The following KLF13 variants were observed in gnomAD, a reference collection of about 807,000 sequenced individuals.
KLF13 encodes the protein KLF transcription factor 13, also known as Krueppel-like factor 13.
Under a neutral mutation model 16.7 loss-of-function variants are expected in KLF13, and 8 were observed. The observed-to-expected ratio is 0.48, with a 90% CI of 0.28 to 0.87. KLF13 has a LOEUF of 0.87. Among genes scored for constraint, KLF13 ranks in the 40% least tolerant of loss-of-function variants. The probability of loss-of-function intolerance (pLI) is 0.10; values close to 1 mark genes in which losing one functional copy is unlikely to be tolerated. For synonymous variants in KLF13, 245 were observed against 208.4 expected (o/e 1.18, Z -1.51); for missense variants, 447 against 452.2 (o/e 0.99, Z 0.10).
intron 1 of KLF13, among the ~76,000 whole-genome samples, chr15:31,331,191 T>A (rs1355609113): frequency 2.0e-5 from 3 of 152,226 alleles, no homozygotes; most frequent in African/African-American, 4.8e-5. Flanking sequence ...AAAACATCTC[T>A]CTGCATGCTG....
At chr15:31,370,044 C>CTTTTTTT (rs912005994) in intron 1 of KLF13, among the ~76,000 whole-genome samples, 250 of 98,546 alleles carry the variant, frequency 2.5e-3, no homozygotes, top group Middle Eastern at 0.013. Context: ...TCTCCTTTTT[C>CTTTTTTT]TTTTTTTTTT....
At chr15:31,380,175 C>A (rs1009275033), downstream of KLF13, among the ~76,000 whole-genome samples, 1 of 152,152 alleles carries the variant, frequency 6.6e-6, no homozygotes, top group African/African-American at 2.4e-5. Context: ...GCCTGTAGTC[C>A]CAGCTACTTG....
At chr15:31,405,593 G>A (rs748013388), downstream of KLF13, among the ~76,000 whole-genome samples, 5 of 152,222 alleles carry the variant, frequency 3.3e-5, no homozygotes, top group East Asian at 1.9e-4. Context: ...TAGGAGGAGG[G>A]TTAGTATATG....
chr15:31,345,471 G>A (rs145528781), intron 1 of KLF13, among the ~76,000 whole-genome samples: 3,810 of 152,330 alleles, frequency 0.025, 68 homozygotes, highest in Non-Finnish European at 0.036. Flanking sequence ...ACTGGGGTGC[G>A]GGCAGATCCT....
Position 31,364,447 on chromosome 15 carries a change from G to A in KLF13, c.578-7563G>A, listed in dbSNP as rs906072292. 2.6e-5 allele frequency among the ~76,000 whole-genome samples: 4 copies of A among 152,228 alleles called. No homozygotes were observed. The East Asian group carries it at 7.7e-4, about 29-fold the overall frequency. On this transcript the variant is annotated intron_variant, in intron 1 of 1. Coordinates refer to ENST00000307145, the MANE Select transcript of KLF13 (RefSeq NM_015995.4). The stretch of plus-strand genomic sequence containing the variant: ...ACTAGACCAGAGCGCCTGGGACAGG[G>A]CACACCTGCCCCCCATGTCTCTTTC...
intron 2 of KLF13, among the ~76,000 whole-genome samples, chr15:31,399,686 A>G (rs2040007129): frequency 6.6e-6 from 1 of 152,246 alleles, no homozygotes; most frequent in Non-Finnish European, 1.5e-5. Flanking sequence ...TCTCAGAGTC[A>G]GAGCTGGCTC....
chr15:31,404,964 C>G (rs1374861037), downstream of KLF13, among the ~76,000 whole-genome samples: 1 of 152,182 alleles, frequency 6.6e-6, no homozygotes, highest in Non-Finnish European at 1.5e-5. Context: ...AGGCTCCACC[C>G]TGCCTCAAAG....
intron 1 of KLF13, among the ~76,000 whole-genome samples, chr15:31,428,199 A>G (rs28629861): frequency 0.13 from 19,949 of 152,194 alleles, 3,862 homozygotes; most frequent in African/African-American, 0.42. Context: ...GGTTGCCAGG[A>G]CCTGGGAAGA....
chr15:31,405,851 G>A (rs1422290746), downstream of KLF13, among the ~76,000 whole-genome samples: 2 of 152,166 alleles, frequency 1.3e-5, no homozygotes, highest in East Asian at 1.9e-4. Flanking sequence ...ACAGTCACAA[G>A]ACAGAAGGAC....
chr15:31,403,143 A>G (rs1291735957), intron 2 of KLF13, among the ~76,000 whole-genome samples: 1 of 152,194 alleles, frequency 6.6e-6, no homozygotes, highest in Non-Finnish European at 1.5e-5. Context: ...TTGAGTATAG[A>G]TACGTCTGCT....
upstream of KLF13, among the ~76,000 whole-genome samples, chr15:31,388,506 T>C (rs1203584509): frequency 6.7e-6 from 1 of 150,350 alleles, no homozygotes; most frequent in African/African-American, 2.5e-5. Flanking sequence ...CCCTCTCAGC[T>C]ACTCAGGAGG....
chr15:31,417,605 G>C (rs775651202), intron 1 of KLF13, among the ~76,000 whole-genome samples: 3 of 151,360 alleles, frequency 2.0e-5, no homozygotes, highest in South Asian at 2.1e-4. Context: ...GCAATGGTGC[G>C]ATCTCGGCTC....
intron 1 of KLF13, among the ~76,000 whole-genome samples, chr15:31,343,586 A>G (rs537641416): frequency 3.3e-5 from 5 of 152,334 alleles, no homozygotes; most frequent in Admixed American, 2.0e-4. Context: ...GTGCCCACCC[A>G]TGCCGTCAGT....
At chr15:31,417,611 G>A (rs112658934) in intron 1 of KLF13, among the ~76,000 whole-genome samples, 18,924 of 151,256 alleles carry the variant, frequency 0.13, 3,461 homozygotes, top group African/African-American at 0.4. Context: ...GTGCGATCTC[G>A]GCTCACTGCA....
At position 31,403,177 on chromosome 15, in the gene KLF13, C is replaced by T. The variant is rs944376765; in HGVS notation, n.530-251C>T. ...CTGATTCCCCTCATTCTTTTAGTGT[C>T]TTTTCTGCTGTGAAGCAGTTTTGGG... On this transcript the variant is annotated intron_variant and non_coding_transcript_variant, in intron 2 of 2. Coordinates refer to the KLF13 transcript ENST00000500533. Among the ~76,000 whole-genome samples, 8 of 152,198 alleles carry T rather than the reference C, an allele frequency of 5.3e-5. 1 individual carries two copies. Among genetic ancestry groups the T allele is most frequent in the Admixed American group, 5.2e-4 (8 of 15,284 alleles).
At position 31,371,329 on chromosome 15, in the gene KLF13, G is replaced by A. The variant is rs756804294; in HGVS notation, c.578-681G>A. 5.3e-5 allele frequency among the ~76,000 whole-genome samples: 8 copies of A among 152,348 alleles called. 1 individual carries two copies. Among genetic ancestry groups the A allele is most frequent in the Admixed American group, 1.3e-4 (2 of 15,308 alleles). On this transcript the variant is annotated intron_variant, in intron 1 of 1. Coordinates refer to ENST00000307145, the MANE Select transcript of KLF13 (RefSeq NM_015995.4). ...TACCGGCACAGGCCCCTATAATGGG[G>A]TGCTCTGGGTTGCTGCCCTTGTCTG...
chr15:31,364,916 C>G (rs1342600447), intron 1 of KLF13, among the ~76,000 whole-genome samples: 1 of 152,236 alleles, frequency 6.6e-6, no homozygotes, highest in Non-Finnish European at 1.5e-5. Flanking sequence ...GTCCACCCCC[C>G]ACCACAGAGG....
downstream of KLF13, among the ~76,000 whole-genome samples, chr15:31,378,400 C>T (rs779490898): frequency 1.3e-5 from 2 of 152,142 alleles, no homozygotes; most frequent in Non-Finnish European, 2.9e-5. Context: ...CCAGCGAGGA[C>T]GAGTCCCAGG....
At chr15:31,335,611 C>T (rs1332000931) in intron 1 of KLF13, among the ~76,000 whole-genome samples, 2 of 152,164 alleles carry the variant, frequency 1.3e-5, no homozygotes, top group African/African-American at 4.8e-5. Context: ...GGGGAGTATT[C>T]TGTTTATTGT....
Sources: gnomAD v4.1 joint callset for allele counts (sites outside exome capture counted in the v4.1 genomes callset) on GRCh38, gnomAD v4.1.1 for gene constraint, MANE v1.5 for transcripts, NCBI Gene and HGNC (gene_info 2026-07-23, HGNC 2026-07-21) for gene names.